The following SORL1 variants were observed in gnomAD, a reference collection of about 807,000 sequenced individuals.
SORL1 encodes the protein sortilin related receptor 1.
Under a neutral mutation model 273.7 loss-of-function variants are expected in SORL1, and 127 were observed. The ratio of observed to expected loss-of-function variants is 0.46; its 90% CI spans 0.40 to 0.54. SORL1 has a LOEUF of 0.54. Among genes scored for constraint, SORL1 ranks in the 20% least tolerant of loss-of-function variants. The probability of loss-of-function intolerance (pLI) is 0.00; values close to 1 mark genes in which losing one functional copy is unlikely to be tolerated. For synonymous variants in SORL1, 1,031 were observed against 1,067.4 expected (o/e 0.97, Z 0.66); for missense variants, 2,494 against 2,846.1 (o/e 0.88, Z 2.81).
Position 121,585,967 on chromosome 11 carries a change from A to G in SORL1, c.3707-255A>G, listed in dbSNP as rs1247988324. On this transcript the variant is annotated intron_variant, in intron 26 of 47. Coordinates refer to ENST00000260197, the MANE Select transcript of SORL1 (RefSeq NM_003105.6). ...TCAACCTGTTACAAACAGTGTTGTA[A>G]TGCAACCCTTGTACTTATATTAAGT... Among the ~76,000 whole-genome samples, 3 of 152,336 alleles carry G rather than the reference A, an allele frequency of 2.0e-5. No individual in the cohort carries two copies. In the East Asian group the frequency reaches 5.8e-4, roughly 29 times the overall value.
chr11:121,583,623 A>G, intron 26 of SORL1, 40 bp downstream of exon 26: 2 of 1,574,136 alleles, frequency 1.3e-6, no homozygotes, highest in South Asian at 2.4e-5. Context: ...GAGCCTCCCC[A>G]GTGTCTGCTG....
At chr11:121,553,071 C>T (rs895932189) in intron 16 of SORL1, among the ~76,000 whole-genome samples, 17 of 152,238 alleles carry the variant, frequency 1.1e-4, no homozygotes, top group African/African-American at 4.1e-4. Flanking sequence ...AAATCATCCA[C>T]GGTAGCGTCT....
intron 18 of SORL1, among the ~76,000 whole-genome samples, chr11:121,556,198 A>G (rs758154583): frequency 6.6e-6 from 1 of 152,230 alleles, no homozygotes; most frequent in Non-Finnish European, 1.5e-5. Context: ...TCTGATGATA[A>G]AGCAGTGGGC....
chr11:121,478,677 A>AGTACCTGTGTGCGTGTGG (rs1241783271), intron 3 of SORL1, among the ~76,000 whole-genome samples: 1 of 150,236 alleles, frequency 6.7e-6, no homozygotes, highest in African/African-American at 2.5e-5. Context: ...TGTGCGTGTG[A>AGTACCTGTGTGCGTGTGG]GTACCTGTGT....
At chr11:121,510,047 AT>A (rs1861853022) in intron 6 of SORL1, among the ~76,000 whole-genome samples, 1 of 152,200 alleles carries the variant, frequency 6.6e-6, no homozygotes. Flanking sequence ...TAATAAATAC[AT>A]GCTTATTTAT....
intron 27 of SORL1, 65 bp downstream of exon 27, chr11:121,586,394 T>G: frequency 8.3e-7 from 1 of 1,204,716 alleles, no homozygotes; most frequent in East Asian, 2.3e-5. Flanking sequence ...GAGCGTATAT[T>G]GGACTAAATC....
intron 39 of SORL1, chr11:121,612,318 T>C (rs1341848705): frequency 6.4e-6 from 1 of 155,966 alleles, no homozygotes; most frequent in Admixed American, 6.4e-5. Context: ...GTGGATGTAT[T>C]TTCTGTAGTT....
chr11:121,498,426 T>TA (rs1168047011), intron 6 of SORL1, among the ~76,000 whole-genome samples: 13 of 152,240 alleles, frequency 8.5e-5, no homozygotes, highest in African/African-American at 2.9e-4. Flanking sequence ...GCCTTGGGCC[T>TA]GGAGTTATTG....
intron 21 of SORL1, among the ~76,000 whole-genome samples, chr11:121,560,529 G>A (rs1862655402): frequency 6.6e-6 from 1 of 152,286 alleles, no homozygotes; most frequent in African/African-American, 2.4e-5. Flanking sequence ...TATCTCAGCA[G>A]GATTAAATGG....
At chr11:121,614,808 A>G in intron 40 of SORL1, 63 bp from the exon 41 acceptor site, 2 of 1,372,942 alleles carry the variant, frequency 1.5e-6, no homozygotes, top group Non-Finnish European at 2.1e-6. Context: ...TGCATGTACC[A>G]AGACACGTTC....
chr11:121,628,512 TCA>T (rs1863830585), intron 47 of SORL1, among the ~76,000 whole-genome samples: 1 of 152,170 alleles, frequency 6.6e-6, no homozygotes, highest in Admixed American at 6.5e-5. Context: ...GACTCACCAC[TCA>T]CAGCCTGCTG....
chr11:121,456,587 T>C (rs1197430491), intron 1 of SORL1, among the ~76,000 whole-genome samples: 1 of 152,206 alleles, frequency 6.6e-6, no homozygotes, highest in East Asian at 1.9e-4. Flanking sequence ...CTGTGCTATA[T>C]GGGAGTTATT....
At chr11:121,479,325 C>A (rs1861337270) in intron 3 of SORL1, among the ~76,000 whole-genome samples, 1 of 152,132 alleles carries the variant, frequency 6.6e-6, no homozygotes, top group African/African-American at 2.4e-5. Flanking sequence ...TCTTGTGTTA[C>A]CGTGTTTGTT....
At chr11:121,518,483 C>T (rs1480279894) in intron 8 of SORL1, among the ~76,000 whole-genome samples, 2 of 152,130 alleles carry the variant, frequency 1.3e-5, no homozygotes, top group Non-Finnish European at 2.9e-5. Flanking sequence ...GGGAAAGAAA[C>T]AGGGCTCATC....
chr11:121,481,199 C>T (rs1861378012), intron 3 of SORL1, among the ~76,000 whole-genome samples: 1 of 112,268 alleles, frequency 8.9e-6, no homozygotes, highest in African/African-American at 3.9e-5. Context: ...TCTCCTCCTC[C>T]CCAGCTCCTC....
At position 121,457,184 on chromosome 11, in the gene SORL1, G is replaced by C. The variant is rs142575184; in HGVS notation, c.285+4568G>C. Among the ~76,000 whole-genome samples the C allele has an allele frequency of 1.6e-4, 25 of 152,300 alleles. No homozygotes were observed. In the East Asian group the frequency reaches 4.8e-3, roughly 29 times the overall value. On this transcript the variant is annotated intron_variant, in intron 1 of 47. Coordinates refer to ENST00000260197, the MANE Select transcript of SORL1 (RefSeq NM_003105.6). ...TCATAAATAGCTTGCATGGTTAGAG[G>C]CACAGAAGGTGGAGGCTTTGCGAGG...
At chr11:121,539,526 C>T (rs1257744685) in intron 12 of SORL1, among the ~76,000 whole-genome samples, 3 of 152,086 alleles carry the variant, frequency 2.0e-5, no homozygotes, top group Non-Finnish European at 4.4e-5. Context: ...TTATTTTGTA[C>T]TGATTTTCCT....
chr11:121,486,660 T>C (rs1252626326), intron 3 of SORL1, among the ~76,000 whole-genome samples: 1 of 151,932 alleles, frequency 6.6e-6, no homozygotes, highest in Non-Finnish European at 1.5e-5. Context: ...TTCGTATTTT[T>C]AGTAGAGATG....
At chr11:121,494,106 A>C (rs923893) in intron 5 of SORL1, among the ~76,000 whole-genome samples, 75,292 of 151,986 alleles carry the variant, frequency 0.5, 18,938 homozygotes, top group Middle Eastern at 0.63. Flanking sequence ...GAAACTATAA[A>C]TTAAGAGGGC....
Sources: allele counts gnomAD v4.1 joint callset (sites outside exome capture counted in the v4.1 genomes callset), GRCh38; gene constraint gnomAD v4.1.1; transcripts MANE v1.5; gene names NCBI Gene and HGNC (gene_info 2026-07-23, HGNC 2026-07-21).